DOCK10: variants seen among roughly 807,000 people sequenced by gnomAD.
DOCK10 encodes dedicator of cytokinesis 10.
Under a neutral mutation model 280.1 loss-of-function variants are expected in DOCK10, and 145 were observed. The ratio of observed to expected loss-of-function variants is 0.52; its 90% CI spans 0.45 to 0.59. DOCK10 has a LOEUF of 0.59. Among genes scored for constraint, DOCK10 ranks in the 20% least tolerant of loss-of-function variants. The probability of loss-of-function intolerance (pLI) is 0.00; values close to 1 mark genes in which losing one functional copy is unlikely to be tolerated. For synonymous variants in DOCK10, 915 were observed against 942.2 expected (o/e 0.97, Z 0.53); for missense variants, 2,368 against 2,651.7 (o/e 0.89, Z 2.35).
intron 3 of DOCK10, among the ~76,000 whole-genome samples, chr2:224,900,103 C>A (rs554711070): frequency 1.3e-5 from 2 of 152,116 alleles, no homozygotes; most frequent in East Asian, 3.9e-4. Context: ...TTACTCACTG[C>A]CCTTTCTTGC....
chr2:224,897,601 G>T (rs1300110479), intron 3 of DOCK10, among the ~76,000 whole-genome samples: 1 of 152,044 alleles, frequency 6.6e-6, no homozygotes, highest in East Asian at 1.9e-4. Flanking sequence ...TCTGTGGGTT[G>T]AATTGTTTTC....
chr2:224,816,840 C>T (rs548560348), intron 29 of DOCK10, 127 bp from the exon 30 acceptor site: 1 of 590,802 alleles, frequency 1.7e-6, no homozygotes, highest in African/African-American at 1.9e-5. Flanking sequence ...ACTTGTCGGA[C>T]CACTAGGTAA....
intron 1 of DOCK10, among the ~76,000 whole-genome samples, chr2:225,031,274 C>T (rs185797): frequency 0.51 from 76,686 of 151,616 alleles, 20,273 homozygotes; most frequent in South Asian, 0.69. Context: ...CATTTCCATA[C>T]TGTATTATCC....
At chr2:224,845,098 A>G (rs1696247519) in intron 21 of DOCK10, 105 bp downstream of exon 21, 2 of 1,198,550 alleles carry the variant, frequency 1.7e-6, no homozygotes, top group East Asian at 2.6e-5. Flanking sequence ...TCATAGCTAC[A>G]AGGGACATGT....
chr2:224,792,925 C>A, intron 47 of DOCK10, 49 bp downstream of exon 47: 2 of 1,344,630 alleles, frequency 1.5e-6, no homozygotes, highest in East Asian at 4.8e-5. Context: ...ATTTGAGCAG[C>A]AAGTGGATTT....
intron 22 of DOCK10, among the ~76,000 whole-genome samples, chr2:224,843,089 G>A (rs1379808355): frequency 6.6e-6 from 1 of 152,192 alleles, no homozygotes; most frequent in Non-Finnish European, 1.5e-5. Context: ...GCGGGGAAAG[G>A]GGAGTGCAAT....
intron 3 of DOCK10, 36 bp from the exon 4 acceptor site, chr2:224,896,413 A>C (rs1699992327): frequency 2.2e-6 from 3 of 1,368,798 alleles, no homozygotes; most frequent in Non-Finnish European, 3.0e-6. Context: ...TTAATATAAA[A>C]ATTATCATTA....
At position 224,876,089 on chromosome 2, in the gene DOCK10, C is replaced by G. The variant is rs1559629711; in HGVS notation, c.880G>C (p.Glu294Gln). 6.2e-7 allele frequency: 1 copy of G among 1,613,916 alleles called. No homozygotes were observed. Among genetic ancestry groups the G allele is most frequent in the African/African-American group, 1.3e-5 (1 of 75,030 alleles). ...TLNRILQISP[E>Q]GPLQGRRSTE... ...CTCCTCCTCCCTTGGAGGGGCCCCT[C>G]AGGACTGATTTGCAGAATGCGGTTG... Residue 294 changes from glutamate to glutamine, a missense_variant, in exon 8 of 56, where the codon GAG becomes CAG. By Grantham distance (29) the Glu-to-Gln change is conservative (BLOSUM62 2). Transcript: ENST00000258390.
intron 3 of DOCK10, among the ~76,000 whole-genome samples, chr2:224,914,992 G>T (rs1165866430): frequency 1.3e-5 from 2 of 152,092 alleles, no homozygotes; most frequent in Non-Finnish European, 2.9e-5. Flanking sequence ...GTAAGAAAAA[G>T]AAATGGAGTT....
intron 1 of DOCK10, among the ~76,000 whole-genome samples, chr2:225,040,958 C>A (rs1445987801): frequency 6.6e-6 from 1 of 152,156 alleles, no homozygotes; most frequent in Admixed American, 6.5e-5. Flanking sequence ...AACAGTTGAA[C>A]CACCTCTGGG....
chr2:224,918,774 T>C (rs866767607), intron 2 of DOCK10, among the ~76,000 whole-genome samples: 4 of 112,726 alleles, frequency 3.5e-5, no homozygotes, highest in Middle Eastern at 4.7e-3. Context: ...TTTGAGTGCA[T>C]GTGTATGTGT....
chr2:224,932,417 A>C (rs969926379), intron 1 of DOCK10, among the ~76,000 whole-genome samples: 1 of 152,178 alleles, frequency 6.6e-6, no homozygotes, highest in Non-Finnish European at 1.5e-5. Context: ...TATAGGGTTG[A>C]TGTGTTTGTT....
At chr2:224,974,017 T>C (rs1328034945) in intron 1 of DOCK10, among the ~76,000 whole-genome samples, 2 of 152,142 alleles carry the variant, frequency 1.3e-5, no homozygotes, top group South Asian at 2.1e-4. Context: ...CCCTGACTGA[T>C]TTGAGGAGGT....
At chr2:224,892,776 G>C (rs1317518225) in intron 4 of DOCK10, among the ~76,000 whole-genome samples, 1 of 152,224 alleles carries the variant, frequency 6.6e-6, no homozygotes, top group African/African-American at 2.4e-5. Context: ...TTGGATCATT[G>C]CTGAGGCTTG....
At position 224,982,140 on chromosome 2, in the gene DOCK10, C is replaced by T. The variant is rs141721327; in HGVS notation, c.124-50472G>A. 125 of 1,180,308 alleles carry T rather than the reference C, an allele frequency of 1.1e-4. 1 individual carries two copies. Among genetic ancestry groups the T allele is most frequent in the South Asian group, 6.6e-4 (15 of 22,826 alleles). 73.1% of individuals were successfully genotyped at this position (1,180,308 alleles called of 1,614,324 possible). On this transcript the variant is annotated intron_variant, in intron 1 of 55. Coordinates refer to ENST00000258390, the MANE Select transcript of DOCK10 (RefSeq NM_014689.3). ...TTATCTAACGCTAAACACCAAAACC[C>T]CTAAATTGTAACCTCTCTATAATAA...
intron 1 of DOCK10, among the ~76,000 whole-genome samples, chr2:225,005,902 A>G (rs1212142791): frequency 6.6e-6 from 1 of 152,208 alleles, no homozygotes; most frequent in Non-Finnish European, 1.5e-5. Flanking sequence ...TAATTTAGAG[A>G]TTATCCATGT....
At chr2:224,855,199 T>G (rs1195307876) in intron 15 of DOCK10, among the ~76,000 whole-genome samples, 157 bp from the exon 16 acceptor site, 2 of 152,206 alleles carry the variant, frequency 1.3e-5, no homozygotes, top group African/African-American at 4.8e-5. Context: ...GTGAATGATT[T>G]TATTTAGCTA....
chr2:224,879,346 G>A (rs1698836301), intron 7 of DOCK10, among the ~76,000 whole-genome samples: 2 of 152,148 alleles, frequency 1.3e-5, no homozygotes, highest in African/African-American at 4.8e-5. Flanking sequence ...AATCACCTGC[G>A]ACCTTCACTG....
intron 2 of DOCK10, among the ~76,000 whole-genome samples, chr2:224,929,948 C>G (rs972331168): frequency 6.6e-6 from 1 of 152,060 alleles, no homozygotes; most frequent in African/African-American, 2.4e-5. Context: ...CCCCTGTAAT[C>G]CCAGCACTCT....
Sources: allele counts gnomAD v4.1 joint callset (sites outside exome capture counted in the v4.1 genomes callset), GRCh38; gene constraint gnomAD v4.1.1; transcripts MANE v1.5; gene names NCBI Gene and HGNC (gene_info 2026-07-23, HGNC 2026-07-21).